CERS3: variants seen among roughly 807,000 people sequenced by gnomAD.
CERS3 encodes the protein LAG1 homolog, ceramide synthase 3.
Under a neutral mutation model 50.3 loss-of-function variants are expected in CERS3, and 33 were observed. That is an observed-to-expected ratio of 0.66 (90% CI 0.50 to 0.88). The LOEUF (loss-of-function observed/expected upper bound fraction) is 0.88, where lower values mean the gene tolerates loss of function less well. Ranked by LOEUF, CERS3 falls within the 40% of genes least tolerant of loss-of-function variation. CERS3 has a pLI of 0.00. For missense variants in CERS3, 470 were observed against 460.3 expected, an observed-to-expected ratio of 1.02 and a Z score of -0.19; for synonymous variants, 176 against 155.2, an observed-to-expected ratio of 1.13 and a Z score of -0.99.
At chr15:100,489,263 T>C (rs2035580175) in intron 4 of CERS3, among the ~76,000 whole-genome samples, 2 of 152,238 alleles carry the variant, frequency 1.3e-5, no homozygotes, top group African/African-American at 4.8e-5. Flanking sequence ...ACTGGAAGTA[T>C]GGGCCAGGTT....
chr15:100,473,096 A>T lies in CERS3; in HGVS notation c.610-44T>A, dbSNP rs745640185. 6.3e-6 allele frequency: 10 copies of T among 1,574,924 alleles called. No homozygotes were observed. In the African/African-American group the frequency reaches 1.4e-4, roughly 21 times the overall value. On this transcript the variant is annotated intron_variant, in intron 8 of 11. Transcript: ENST00000679737. ...TGGAAGCCATTAAGGAAATGCATTTATTTCCCAATCACTGGAAGAGATAAT... is the reference window on the plus strand; with the variant it reads ...TGGAAGCCATTAAGGAAATGCATTTTTTTCCCAATCACTGGAAGAGATAAT...
chr15:100,518,568 T>G (rs2036556853), intron 2 of CERS3, among the ~76,000 whole-genome samples: 2 of 152,210 alleles, frequency 1.3e-5, no homozygotes, highest in Admixed American at 1.3e-4. Flanking sequence ...AAATACACAT[T>G]CTTTCAAAGG....
At chr15:100,441,187 CTCT>C (rs1206428912) in intron 11 of CERS3, among the ~76,000 whole-genome samples, 4 of 152,070 alleles carry the variant, frequency 2.6e-5, no homozygotes, top group South Asian at 4.1e-4. Context: ...GCACCCCGAC[CTCT>C]TATCTCTGCG....
chr15:100,526,346 C>T (rs377527740), intron 1 of CERS3, among the ~76,000 whole-genome samples: 12 of 152,306 alleles, frequency 7.9e-5, no homozygotes, highest in Admixed American at 2.6e-4. Context: ...ACAGTTGCCA[C>T]GATACACTCC....
At chr15:100,451,259 T>C (rs770712076) in intron 11 of CERS3, among the ~76,000 whole-genome samples, 7 of 152,130 alleles carry the variant, frequency 4.6e-5, no homozygotes, top group Non-Finnish European at 8.8e-5. Context: ...AATTAATTAA[T>C]AAAATGACAG....
chr15:100,428,459 G>A lies in CERS3; in HGVS notation c.1000-25594C>T, dbSNP rs535130210. On this transcript the variant is annotated intron_variant, in intron 11 of 11. Transcript: ENST00000679737. ...CATTCACCCCAAGGTTCACAACCTC[G>A]GCACTGTGGATATTTTGGGCCAGGT... Among the ~76,000 whole-genome samples, 28 of 152,242 alleles carry A rather than the reference G, an allele frequency of 1.8e-4. No homozygotes were observed. The South Asian group carries it at 4.8e-3, about 26-fold the overall frequency.
chr15:100,504,740 G>A (rs1261168691), intron 2 of CERS3, among the ~76,000 whole-genome samples: 1 of 152,148 alleles, frequency 6.6e-6, no homozygotes, highest in Non-Finnish European at 1.5e-5. Context: ...CTTGATCTGG[G>A]TACAAAGGTG....
intron 9 of CERS3, among the ~76,000 whole-genome samples, chr15:100,470,960 A>G (rs896693196): frequency 1.3e-5 from 2 of 152,220 alleles, no homozygotes; most frequent in African/African-American, 4.8e-5. Flanking sequence ...TCTGGGTTCA[A>G]TTAGAACTTG....
intron 1 of CERS3, among the ~76,000 whole-genome samples, chr15:100,538,494 G>A (rs2037124407): frequency 1.3e-5 from 2 of 152,216 alleles, no homozygotes; most frequent in African/African-American, 4.8e-5. Flanking sequence ...TGACTTCTGT[G>A]CACCTGCAGC....
In CERS3 at chr15:100,490,053, C is replaced by G. The variant is rs367633790; in HGVS notation, c.288+764G>C. 1.1e-4 allele frequency among the ~76,000 whole-genome samples: 16 copies of G among 152,276 alleles called. No individual in the cohort carries two copies. The South Asian group carries it at 2.7e-3, about 26-fold the overall frequency. ...CATATGTACTTGATTTTTAAAATTA[C>G]TGGGGATAGCTGTTTGTATTCATCA... On this transcript the variant is annotated intron_variant, in intron 4 of 11. Transcript: ENST00000679737.
At chr15:100,413,251 C>A (rs2031624096) in intron 11 of CERS3, among the ~76,000 whole-genome samples, 1 of 152,032 alleles carries the variant, frequency 6.6e-6, no homozygotes, top group Admixed American at 6.6e-5. Context: ...CAAAGATCTG[C>A]AAAAACATTT....
In CERS3 at chr15:100,446,642, T is replaced by C. The variant is rs373539718; in HGVS notation, c.999+9251A>G. On this transcript the variant is annotated intron_variant, in intron 11 of 11. Coordinates refer to ENST00000679737, the MANE Select transcript of CERS3 (RefSeq NM_001378789.1). Reference sequence around the variant, plus strand: ...TCTGACAATATAGTGCTGTATATATTATACACGGATAGTAACACCTAAATG... The same window carrying C: ...TCTGACAATATAGTGCTGTATATATCATACACGGATAGTAACACCTAAATG... 5.3e-5 allele frequency among the ~76,000 whole-genome samples: 8 copies of C among 152,306 alleles called. No homozygotes were observed. The East Asian group carries it at 1.3e-3, about 26-fold the overall frequency.
At chr15:100,478,650 GA>G (rs2142262772) in intron 7 of CERS3, among the ~76,000 whole-genome samples, 1 of 150,126 alleles carries the variant, frequency 6.7e-6, no homozygotes, top group East Asian at 2.0e-4. Flanking sequence ...AGAAGACAAT[GA>G]AATAACATCA....
At chr15:100,486,456 C>T (rs1213682821) in intron 4 of CERS3, among the ~76,000 whole-genome samples, 1 of 152,140 alleles carries the variant, frequency 6.6e-6, no homozygotes, top group African/African-American at 2.4e-5. Context: ...GATTTGAGGA[C>T]CAAGGGATTA....
chr15:100,473,176 T>C, intron 8 of CERS3, 124 bp from the exon 9 acceptor site: 5 of 1,017,068 alleles, frequency 4.9e-6, no homozygotes, highest in Non-Finnish European at 7.0e-6. Context: ...ATTTATAAAA[T>C]GCTTTTACTT....
intron 1 of CERS3, among the ~76,000 whole-genome samples, chr15:100,535,658 A>C (rs1688282800): frequency 6.6e-6 from 1 of 151,080 alleles, no homozygotes; most frequent in African/African-American, 2.4e-5. Flanking sequence ...GGAAGTGGGG[A>C]TATCCCTATG....
intron 4 of CERS3, among the ~76,000 whole-genome samples, chr15:100,487,642 G>C (rs1334880111): frequency 6.6e-6 from 1 of 152,208 alleles, no homozygotes; most frequent in Non-Finnish European, 1.5e-5. Flanking sequence ...TGGCCTAAAG[G>C]AGGAGTGCTG....
intron 4 of CERS3, 161 bp downstream of exon 4, chr15:100,490,656 C>T (rs1331843643): frequency 1.9e-5 from 11 of 582,860 alleles, no homozygotes; most frequent in Non-Finnish European, 6.1e-6. Context: ...TTGGGATGTT[C>T]TAAACCTGTC....
chr15:100,480,375 G>A (rs1388564157), intron 5 of CERS3, among the ~76,000 whole-genome samples: 1 of 152,216 alleles, frequency 6.6e-6, no homozygotes, highest in African/African-American at 2.4e-5. Context: ...GGCTAGCCCA[G>A]TTCCAGGCAC....
Sources: gnomAD v4.1 joint callset for allele counts (sites outside exome capture counted in the v4.1 genomes callset) on GRCh38, gnomAD v4.1.1 for gene constraint, MANE v1.5 for transcripts, NCBI Gene and HGNC (gene_info 2026-07-23, HGNC 2026-07-21) for gene names.